The following SNX7 variants were observed in gnomAD, a reference collection of about 807,000 sequenced individuals.
SNX7 encodes sorting nexin 7.
A neutral mutation model predicts 48.4 loss-of-function variants in SNX7; 35 were observed. The ratio of observed to expected loss-of-function variants is 0.72; its 90% confidence interval spans 0.55 to 0.96. The LOEUF (loss-of-function observed/expected upper bound fraction) is 0.96, where lower values mean the gene tolerates loss of function less well. Ranked by LOEUF, SNX7 falls within the 40% of genes least tolerant of loss-of-function variation. The pLI, the probability that SNX7 is intolerant of heterozygous loss-of-function variation, is 0.00. For synonymous variants in SNX7, 190 were observed against 190.2 expected (o/e 1.00, Z 0.01); for missense variants, 553 against 548.9 (o/e 1.01, Z -0.07).
intron 2 of SNX7, among the ~76,000 whole-genome samples, chr1:98,689,259 G>A (rs2100948847): frequency 6.6e-6 from 1 of 152,230 alleles, no homozygotes; most frequent in Admixed American, 6.5e-5. Flanking sequence ...CTTGCTGTAG[G>A]GAAATTAGTC....
chr1:98,661,560 AT>A, upstream of SNX7: 1 of 496,116 alleles, frequency 2.0e-6, no homozygotes, highest in South Asian at 1.0e-4. Context: ...CCAGGTGGGG[AT>A]GCGCCCGGCC....
In SNX7 at chr1:98,760,203, C is replaced by T. The variant is rs568966405; in HGVS notation, c.*72C>T. 4.0e-5 allele frequency: 48 copies of T among 1,207,536 alleles called. No homozygotes were observed. Among genetic ancestry groups the T allele is most frequent in the Non-Finnish European group, 5.5e-5 (45 of 815,450 alleles). 74.8% of individuals were successfully genotyped at this position (1,207,536 alleles called of 1,614,324 possible). A position where few individuals can be genotyped will look rare whatever the true frequency, so the allele number is the denominator to read the frequency against. On this transcript the variant is annotated 3_prime_UTR_variant, in exon 9 of 9. Coordinates refer to ENST00000306121, the MANE Select transcript of SNX7 (RefSeq NM_015976.5). ...ACCAAAGTTATTCTTTCTGGATCTG[C>T]CGTGTCCTTATAAAGTGGATGAAAA...
chr1:98,663,253 GTTTTTTTTTTTTTTTTTTTTT>G (rs61588201), intron 1 of SNX7, among the ~76,000 whole-genome samples: 2 of 41,508 alleles, frequency 4.8e-5, no homozygotes, highest in African/African-American at 1.5e-4. Context: ...TTTCTTTCTG[GTTTTTTTTTTTTTTTTTTTTT>G]TTTTTTTTTT....
chr1:98,730,105 A>G (rs1653425180), intron 7 of SNX7, among the ~76,000 whole-genome samples: 1 of 152,198 alleles, frequency 6.6e-6, no homozygotes, highest in Non-Finnish European at 1.5e-5. Flanking sequence ...CTGGTTCAAC[A>G]TATGCAAATC....
At chr1:98,734,544 A>G (rs2101029089) in intron 7 of SNX7, among the ~76,000 whole-genome samples, 1 of 152,262 alleles carries the variant, frequency 6.6e-6, no homozygotes, top group East Asian at 1.9e-4. Context: ...TAGGAAGATG[A>G]TAATACCAAA....
chr1:98,720,546 C>G (rs572982270), intron 7 of SNX7, among the ~76,000 whole-genome samples: 118 of 152,206 alleles, frequency 7.8e-4, no homozygotes, highest in African/African-American at 2.6e-3. Context: ...ACATATGACA[C>G]TATTCCAGTT....
chr1:98,734,435 C>T (rs1020956191), intron 7 of SNX7, among the ~76,000 whole-genome samples: 1 of 152,204 alleles, frequency 6.6e-6, no homozygotes, highest in Admixed American at 6.6e-5. Context: ...ATGAATAGAG[C>T]ATGTGTCTTG....
intron 6 of SNX7, among the ~76,000 whole-genome samples, chr1:98,701,547 C>T (rs980928849): frequency 4.6e-5 from 7 of 150,926 alleles, no homozygotes; most frequent in African/African-American, 1.5e-4. Flanking sequence ...AAATGTAGTA[C>T]ATATGTACAA....
At chr1:98,747,631 T>C (rs902439891) in intron 8 of SNX7, among the ~76,000 whole-genome samples, 6 of 152,208 alleles carry the variant, frequency 3.9e-5, no homozygotes, top group African/African-American at 1.4e-4. Context: ...TTTACAAGTC[T>C]GTTGATCTCT....
chr1:98,751,026 C>G (rs748447093), intron 8 of SNX7, among the ~76,000 whole-genome samples: 1 of 152,012 alleles, frequency 6.6e-6, no homozygotes, highest in East Asian at 1.9e-4. Flanking sequence ...AATGGACACA[C>G]ATAGTTCAAA....
intron 7 of SNX7, among the ~76,000 whole-genome samples, chr1:98,705,151 A>T (rs1010565406): frequency 3.3e-5 from 5 of 152,158 alleles, no homozygotes. Context: ...GATGCATTAC[A>T]TGGTTAGTTG....
chr1:98,662,310 A>G (rs1649283225), intron 1 of SNX7: 1 of 170,346 alleles, frequency 5.9e-6, no homozygotes, highest in Non-Finnish European at 1.3e-5. Flanking sequence ...CCAGCCCTGA[A>G]CTCTGGGAGA....
chr1:98,681,417 A>G (rs1650483295), intron 1 of SNX7, among the ~76,000 whole-genome samples: 1 of 152,210 alleles, frequency 6.6e-6, no homozygotes, highest in Non-Finnish European at 1.5e-5. Flanking sequence ...ACATAGCAAG[A>G]CCTTATCACT....
At chr1:98,672,306 C>T (rs772719327) in intron 1 of SNX7, among the ~76,000 whole-genome samples, 68 of 151,898 alleles carry the variant, frequency 4.5e-4, no homozygotes, top group Admixed American at 1.2e-3. Context: ...CATGCCACTC[C>T]TGTGACAGAG....
At chr1:98,680,507 A>G (rs928574883) in intron 1 of SNX7, among the ~76,000 whole-genome samples, 19 of 152,168 alleles carry the variant, frequency 1.2e-4, no homozygotes, top group African/African-American at 4.3e-4. Context: ...TTTCTTTTCT[A>G]TCACATTATC....
chr1:98,662,867 C>T (rs1649324657), intron 1 of SNX7: 1 of 1,286,114 alleles, frequency 7.8e-7, no homozygotes, highest in African/African-American at 1.5e-5. Flanking sequence ...GAGAGCAAAC[C>T]AAAGTTAGGA....
At chr1:98,666,793 G>C (rs1310928704) in intron 1 of SNX7, among the ~76,000 whole-genome samples, 1 of 152,198 alleles carries the variant, frequency 6.6e-6, no homozygotes, top group Non-Finnish European at 1.5e-5. Context: ...GAAAGGGAAT[G>C]TAGGTTTCGT....
chr1:98,685,103 G>C, intron 2 of SNX7, 36 bp downstream of exon 2: 1 of 1,317,290 alleles, frequency 7.6e-7, no homozygotes, highest in Non-Finnish European at 1.0e-6. Flanking sequence ...GAATATAGCT[G>C]CTTTTTTTTA....
chr1:98,709,266 T>A (rs770942991), intron 7 of SNX7, among the ~76,000 whole-genome samples: 5 of 152,316 alleles, frequency 3.3e-5, no homozygotes, highest in African/African-American at 2.4e-5. Flanking sequence ...TTCTTCTAGA[T>A]CAAAGTTTGG....
Sources: gnomAD v4.1 joint callset for allele counts (sites outside exome capture counted in the v4.1 genomes callset) on GRCh38, gnomAD v4.1.1 for gene constraint, MANE v1.5 for transcripts, NCBI Gene and HGNC (gene_info 2026-07-23, HGNC 2026-07-21) for gene names.